PAICS: variants seen among roughly 807,000 people sequenced by gnomAD.
The protein encoded by PAICS is phosphoribosylaminoimidazole carboxylase and phosphoribosylaminoimidazolesuccinocarboxamide synthase.
PAICS carries 33 observed loss-of-function variants against 53.7 expected under a neutral mutation model. The ratio of observed to expected loss-of-function variants is 0.61; its 90% CI spans 0.47 to 0.82. The LOEUF (loss-of-function observed/expected upper bound fraction) is 0.82. PAICS is among the 40% of genes least tolerant of loss of function. The probability of loss-of-function intolerance (pLI) is 0.00; values close to 1 mark genes in which losing one functional copy is unlikely to be tolerated. For synonymous variants in PAICS, 141 were observed against 167.2 expected (o/e 0.84, Z 1.21); for missense variants, 394 against 494.1 (o/e 0.80, Z 1.92).
intron 2 of PAICS, among the ~76,000 whole-genome samples, chr4:56,445,596 A>C (rs1030500970): frequency 6.6e-6 from 1 of 152,148 alleles, no homozygotes; most frequent in Non-Finnish European, 1.5e-5. Flanking sequence ...AACCAAAAAA[A>C]CAAAAAAACC....
At chr4:56,434,954 C>A (rs1717815696), upstream of PAICS, among the ~76,000 whole-genome samples, 1 of 152,184 alleles carries the variant, frequency 6.6e-6, no homozygotes, top group Non-Finnish European at 1.5e-5. Flanking sequence ...CTGGCCGCCA[C>A]GCCACACTAG....
At chr4:56,436,905 G>A (rs1321928185) in intron 1 of PAICS, among the ~76,000 whole-genome samples, 1 of 152,250 alleles carries the variant, frequency 6.6e-6, no homozygotes, top group African/African-American at 2.4e-5. Flanking sequence ...GGCTGAGGTA[G>A]GAGAATCGCT....
chr4:56,422,466 G>GT, the PAICS span: 427 of 142,124 alleles, frequency 3.0e-3, 1 homozygote, highest in Non-Finnish European at 5.5e-3. Flanking sequence ...TAATATTCTG[G>GT]TTTTTTTTTT....
intron 5 of PAICS, among the ~76,000 whole-genome samples, chr4:56,449,528 A>G (rs556199181): frequency 2.6e-5 from 4 of 152,298 alleles, no homozygotes; most frequent in South Asian, 2.1e-4. Context: ...TATATACCCA[A>G]AGGAATATAA....
At position 56,448,343 on chromosome 4, in the gene PAICS, A is replaced by G. The variant is rs964498166; in HGVS notation, c.394-75A>G. On this transcript the variant is annotated intron_variant, in intron 3 of 8. Coordinates refer to ENST00000512576, the MANE Select transcript of PAICS (RefSeq NM_001079524.2). ...TCTAAGGAGTTCATGCTCAAGGTGA[A>G]AAGGATGTTGGTTTTTCTGAAAAGT... The G allele has an allele frequency of 1.1e-5, 12 of 1,062,078 alleles. No individual in the cohort carries two copies. In the African/African-American group the frequency reaches 1.8e-4, roughly 16 times the overall value. The allele number at this position is 1,062,078 out of a possible 1,614,324, so 65.8% of individuals were successfully genotyped here.
chr4:56,453,181 G>T (rs1032003997), intron 7 of PAICS, among the ~76,000 whole-genome samples: 3 of 152,080 alleles, frequency 2.0e-5, no homozygotes, highest in African/African-American at 7.2e-5. Context: ...GTTTGAAGAC[G>T]TGTCCCTAAA....
At chr4:56,447,035 T>C (rs560715442) in intron 3 of PAICS, among the ~76,000 whole-genome samples, 162 bp downstream of exon 3, 24 of 149,948 alleles carry the variant, frequency 1.6e-4, no homozygotes, top group African/African-American at 5.9e-4. Context: ...GTCAATAATG[T>C]ACACTTCCAT....
rs780270261 is a variant in PAICS at position 56,451,959 on chromosome 4, G to C, written c.859G>C (p.Ala287Pro). ...TGGTCACTGTGAAAAAATCAAGAAG[G>C]CCTGTGGAAATTTTGGCATTCCATG... is the stretch of plus-strand genomic sequence containing the variant. ...DLGHCEKIKK[A>P]CGNFGIPCEL... Residue 287 changes from alanine (A) to proline (P), a missense_variant, in exon 7 of 9, where the codon GCC (alanine) becomes CCC (proline). By Grantham distance (27) the Ala-to-Pro change is conservative. Around this residue, in one of 3 missense-constraint regions of PAICS, gnomAD observed 131 missense variants for 205.5 expected, o/e 0.64. Coordinates refer to ENST00000512576, the MANE Select transcript of PAICS (RefSeq NM_001079524.2). The C allele has an allele frequency of 3.0e-5, 48 of 1,606,228 alleles. No individual in the cohort carries two copies. Among genetic ancestry groups the C allele is most frequent in the African/African-American group, 4.0e-5 (3 of 74,854 alleles).
At chr4:56,441,061 A>G (rs1002417939) in intron 1 of PAICS, among the ~76,000 whole-genome samples, 16 of 152,218 alleles carry the variant, frequency 1.1e-4, no homozygotes, top group Admixed American at 1.0e-3. Context: ...ATTAAGAAAT[A>G]GAGAGGGATG....
the PAICS span, chr4:56,410,920 A>G: frequency 8.7e-5 from 83 of 951,524 alleles, no homozygotes; most frequent in East Asian, 1.1e-4. Flanking sequence ...AAAAAAAAAA[A>G]AAAAAAAAGA....
At chr4:56,443,070 G>T (rs879844152) in intron 2 of PAICS, among the ~76,000 whole-genome samples, 1 of 152,240 alleles carries the variant, frequency 6.6e-6, no homozygotes, top group Middle Eastern at 3.4e-3. Flanking sequence ...TTTATTTCAA[G>T]GTTTCTTGAT....
Position 56,448,403 on chromosome 4 carries a change from A to G in PAICS, c.394-15A>G, listed in dbSNP as rs1205342766. On this transcript the variant is annotated splice_polypyrimidine_tract_variant and intron_variant, in intron 3 of 8. Coordinates refer to ENST00000512576, the MANE Select transcript of PAICS (RefSeq NM_001079524.2). The stretch of plus-strand genomic sequence containing the variant: ...TTAGATTGAAGTTAATTGTACTACT[A>G]TACTTTATTCACAGGATGATGCCAA... 3 of 1,542,110 alleles carry G rather than the reference A, an allele frequency of 1.9e-6. No individual in the cohort carries two copies. The South Asian group carries it at 3.6e-5, about 19-fold the overall frequency.
chr4:56,431,513 G>A, upstream of PAICS: 2 of 981,592 alleles, frequency 2.0e-6, no homozygotes, highest in Non-Finnish European at 2.4e-6. Flanking sequence ...AGATTCTACA[G>A]AATGTTTCTG....
chr4:56,457,439 T>G (rs1397531634), intron 8 of PAICS, among the ~76,000 whole-genome samples: 1 of 151,938 alleles, frequency 6.6e-6, no homozygotes, highest in African/African-American at 2.4e-5. Context: ...AGAAAAAAAT[T>G]GCTACAGTGC....
chr4:56,458,878 C>T (rs1208559604), intron 8 of PAICS, among the ~76,000 whole-genome samples: 1 of 152,074 alleles, frequency 6.6e-6, no homozygotes, highest in African/African-American at 2.4e-5. Flanking sequence ...CTTGACATTT[C>T]CTAAAATTAT....
rs1479564774 is a variant in PAICS at position 56,460,167 on chromosome 4, A to T, written c.*629A>T. 1 of 152,308 alleles carries T rather than the reference A, an allele frequency of 6.6e-6. No homozygotes were observed. Among genetic ancestry groups the T allele is most frequent in the African/African-American group, 2.4e-5 (1 of 41,412 alleles). 9.4% of individuals were successfully genotyped at this position (152,308 alleles called of 1,614,324 possible). ...CTCCCAAAGTGCTAGGGTTACAGAC[A>T]TGAGCCACTGTGCCTGTCTAGACTT... On this transcript the variant is annotated 3_prime_UTR_variant, in exon 9 of 9. Transcript: ENST00000512576.
At chr4:56,424,222 A>G in the PAICS span, among the ~76,000 whole-genome samples, 1 of 152,218 alleles carries the variant, frequency 6.6e-6, no homozygotes, top group Non-Finnish European at 1.5e-5. Context: ...GCTTTTCTTT[A>G]CTTCAAATGA....
chr4:56,428,658 T>C, the PAICS span, among the ~76,000 whole-genome samples: 1 of 152,188 alleles, frequency 6.6e-6, no homozygotes, highest in Non-Finnish European at 1.5e-5. Flanking sequence ...CATTCCTCTT[T>C]GCATTTTCAT....
At position 56,444,298 on chromosome 4, in the gene PAICS, A is replaced by G. The variant is rs75419976; in HGVS notation, c.215-2397A>G. On this transcript the variant is annotated intron_variant, in intron 2 of 8. Transcript: ENST00000512576. ...AGTATAACTGTGTTATAACTGTGTT[A>G]TACAATTTGTGGATTTGGTTTTATT... 3.8e-3 allele frequency among the ~76,000 whole-genome samples: 583 copies of G among 152,308 alleles called. 5 individuals are homozygous for G. Among genetic ancestry groups the G allele is most frequent in the African/African-American group, 0.013 (535 of 41,568 alleles).
Sources: allele counts gnomAD v4.1 joint callset (sites outside exome capture counted in the v4.1 genomes callset), GRCh38; gene constraint gnomAD v4.1.1; regional missense constraint gnomAD v4.1.1; transcripts MANE v1.5; gene names NCBI Gene and HGNC (gene_info 2026-07-23, HGNC 2026-07-21).